HAS3: variants seen among roughly 807,000 people sequenced by gnomAD.
HAS3 encodes the protein HA synthase 3.
HAS3 carries 27 observed loss-of-function variants against 50.3 expected under a neutral mutation model. That is an observed-to-expected ratio of 0.54 (90% CI 0.40 to 0.74). HAS3 has a LOEUF of 0.74. HAS3 is among the 30% of genes least tolerant of loss of function. The probability of loss-of-function intolerance (pLI) is 0.00; values close to 1 mark genes in which losing one functional copy is unlikely to be tolerated. For synonymous variants in HAS3, 339 were observed against 310.9 expected (o/e 1.09, Z -0.95); for missense variants, 517 against 742.8 (o/e 0.70, Z 3.53).
At chr16:69,093,822 G>A in the HAS3 span, among the ~76,000 whole-genome samples, 127 of 152,178 alleles carry the variant, frequency 8.3e-4, no homozygotes, top group Middle Eastern at 3.4e-3. Flanking sequence ...AAGCCACTGC[G>A]CCCGGCCTAC....
the HAS3 span, among the ~76,000 whole-genome samples, chr16:69,086,280 C>T: frequency 6.6e-6 from 1 of 151,554 alleles, no homozygotes; most frequent in Non-Finnish European, 1.5e-5. Flanking sequence ...GCAATCCACC[C>T]ACCTTAGCAT....
intron 2 of HAS3, among the ~76,000 whole-genome samples, chr16:69,111,426 T>C (rs1015627876): frequency 2.6e-5 from 4 of 152,188 alleles, no homozygotes; most frequent in African/African-American, 7.2e-5. Flanking sequence ...CTCTGTTCTC[T>C]GACCTCCACG....
downstream of HAS3, chr16:69,118,306 G>A: frequency 8.5e-7 from 1 of 1,176,804 alleles, no homozygotes; most frequent in Non-Finnish European, 1.3e-6. Context: ...ACTGCATTCG[G>A]TGGGTCTTTC....
the HAS3 span, among the ~76,000 whole-genome samples, chr16:69,096,534 CAAAAAAAAAAAAAAAAA>C: frequency 1.1e-4 from 4 of 35,316 alleles, no homozygotes; most frequent in Non-Finnish European, 1.8e-4. Flanking sequence ...GACTCTGTCT[CAAAAAAAAAAAAAAAAA>C]AAAAAAAAAA....
intron 2 of HAS3, among the ~76,000 whole-genome samples, chr16:69,111,157 A>ATT (rs71148963): frequency 0.11 from 6,999 of 62,094 alleles, 1,751 homozygotes; most frequent in East Asian, 0.14. Flanking sequence ...CTAGGCCAGG[A>ATT]TTTTTTTTTT....
At position 69,107,493 on chromosome 16, in the gene HAS3, C is replaced by A; in HGVS notation, c.-1+1706C>A. On this transcript the variant is annotated intron_variant, in intron 1 of 3. Transcript: ENST00000569188. This position sits in a 1 kb window ranked among gnomAD's most constrained non-coding sequence, Gnocchi z 5.5. ...AAGCGGCACGTGGGTGTGGCCGGCGCCGCCTTTGCCAAGAGGCGAGGCTCG... is the reference window on the plus strand; with the variant it reads ...AAGCGGCACGTGGGTGTGGCCGGCGACGCCTTTGCCAAGAGGCGAGGCTCG... 3 of 985,368 alleles carry A rather than the reference C, an allele frequency of 3.0e-6. No homozygotes were observed. The highest frequency in any genetic ancestry group is 3.6e-6 in the Non-Finnish European group (3 of 829,810). 61.0% of individuals were successfully genotyped at this position (985,368 alleles called of 1,614,324 possible).
the HAS3 span, among the ~76,000 whole-genome samples, chr16:69,100,104 A>T: frequency 6.6e-6 from 1 of 152,158 alleles, no homozygotes; most frequent in Non-Finnish European, 1.5e-5. Context: ...AAATCGAACC[A>T]TTCTAACGGC....
At chr16:69,108,526 T>A (rs1049015240) in intron 1 of HAS3, among the ~76,000 whole-genome samples, 14 of 151,810 alleles carry the variant, frequency 9.2e-5, no homozygotes, top group Non-Finnish European at 1.6e-4. Context: ...TTTCCAGGAG[T>A]GGCTGGGCAG....
Position 69,117,630 on chromosome 16 carries a change from T to C in HAS3, c.*2364T>C. 1.5e-5 allele frequency: 14 copies of C among 919,358 alleles called. No individual in the cohort carries two copies. Among genetic ancestry groups the C allele is most frequent in the Non-Finnish European group, 1.8e-5 (14 of 769,792 alleles). 57.0% of individuals were successfully genotyped at this position (919,358 alleles called of 1,614,324 possible). A position where few individuals can be genotyped will look rare whatever the true frequency, so the allele number is the denominator to read the frequency against. On this transcript the variant is annotated 3_prime_UTR_variant, in exon 4 of 4. Coordinates refer to ENST00000569188, the MANE Select transcript of HAS3 (RefSeq NM_001199280.2). The stretch of plus-strand genomic sequence containing the variant: ...AAGTTTTTTATACTGCACTTATTTG[T>C]CAAAATAAAGATTCTCACATATGCC...
In HAS3 at chr16:69,117,559, ATATT is replaced by A. The variant is rs1961241959; in HGVS notation, c.*2299_*2302del. 1 of 898,902 alleles carries A rather than the reference ATATT, an allele frequency of 1.1e-6. No individual in the cohort carries two copies. Among genetic ancestry groups the A allele is most frequent in the Non-Finnish European group, 1.3e-6 (1 of 756,242 alleles). 55.7% of individuals were successfully genotyped at this position (898,902 alleles called of 1,614,324 possible). On this transcript the variant is annotated 3_prime_UTR_variant, in exon 4 of 4. Transcript: ENST00000569188. The stretch of plus-strand genomic sequence containing the variant: ...ATTGTTTCTACAATAATTTGTAAAC[ATATT>A]TATTTTTACCTGCTTTTTTTTTTTT...
intron 2 of HAS3, among the ~76,000 whole-genome samples, chr16:69,111,305 C>A (rs1226547021): frequency 1.3e-5 from 2 of 151,900 alleles, no homozygotes; most frequent in Non-Finnish European, 2.9e-5. Context: ...CTCCTGACCT[C>A]AGCTGACCCA....
the HAS3 span, chr16:69,084,826 T>C: frequency 6.6e-6 from 1 of 152,274 alleles, no homozygotes; most frequent in East Asian, 1.9e-4. Context: ...TTCCAAAAGC[T>C]CGAGTGACTG....
At chr16:69,084,746 T>A in the HAS3 span, 1 of 152,342 alleles carries the variant, frequency 6.6e-6, no homozygotes, top group African/African-American at 2.4e-5. Flanking sequence ...CAGGGCTAGG[T>A]ACAGAATTTT....
Position 69,109,437 on chromosome 16 carries a change from CA to C in HAS3, c.43del (p.Ser15AlafsTer16). The C allele has an allele frequency of 6.2e-7, 1 of 1,612,436 alleles. No individual in the cohort carries two copies. Among genetic ancestry groups the C allele is most frequent in the Non-Finnish European group, 8.5e-7 (1 of 1,179,776 alleles). On this transcript the variant is annotated frameshift_variant, in exon 2 of 4. Coordinates refer to ENST00000569188, the MANE Select transcript of HAS3 (RefSeq NM_001199280.2). LOFTEE classifies it high-confidence loss of function. The surrounding 1 kb of genome is among the most constrained non-coding windows in gnomAD (Gnocchi z 5.3). Reference sequence around the variant, plus strand: ...CGACAGCCCTGCGTGTGGTGGGCACCAGCCTGTTTGCCCTGGCAGTGCTGGG... The same window carrying C: ...CGACAGCCCTGCGTGTGGTGGGCACCGCCTGTTTGCCCTGGCAGTGCTGGG... ...LTTALRVVGT[S>X]LFALAVLGGI...
chr16:69,102,107 T>C (rs1960703572), upstream of HAS3, among the ~76,000 whole-genome samples: 1 of 152,140 alleles, frequency 6.6e-6, no homozygotes, highest in South Asian at 2.1e-4. Context: ...TCAAGCACAT[T>C]TGTCTTCAAA....
chr16:69,112,032 C>G (rs1447508927), intron 2 of HAS3, among the ~76,000 whole-genome samples: 4 of 152,260 alleles, frequency 2.6e-5, no homozygotes, highest in Admixed American at 1.3e-4. Context: ...TTCTAACCGC[C>G]TGCTGCGGAG....
In HAS3 at chr16:69,115,354, G is replaced by A. The variant is rs149475998; in HGVS notation, c.*88G>A. On this transcript the variant is annotated 3_prime_UTR_variant, in exon 4 of 4. Transcript: ENST00000569188. ...AAAAGACAGGGTGGGAGGGAGGAGGGAGTGCTGTGTTTTAGTCTCTTAATG... is the reference window on the plus strand; with the variant it reads ...AAAAGACAGGGTGGGAGGGAGGAGGAAGTGCTGTGTTTTAGTCTCTTAATG... 2.5e-5 allele frequency: 37 copies of A among 1,456,318 alleles called. No individual in the cohort carries two copies. Among genetic ancestry groups the A allele is most frequent in the South Asian group, 3.0e-5 (2 of 66,990 alleles). The allele number at this position is 1,456,318 out of a possible 1,614,324, so 90.2% of individuals were successfully genotyped here. A position where few individuals can be genotyped will look rare whatever the true frequency, so the allele number is the denominator to read the frequency against.
At chr16:69,113,151 T>C (rs1961064656) in intron 2 of HAS3, among the ~76,000 whole-genome samples, 1 of 152,154 alleles carries the variant, frequency 6.6e-6, no homozygotes, top group Non-Finnish European at 1.5e-5. Context: ...CCCAGAGCAA[T>C]TTTTTGCGTC....
At chr16:69,089,221 G>A in the HAS3 span, among the ~76,000 whole-genome samples, 47 of 152,154 alleles carry the variant, frequency 3.1e-4, no homozygotes, top group Non-Finnish European at 2.8e-4. Context: ...ACTGTTTGCC[G>A]CATTGGAGGG....
Sources: allele counts gnomAD v4.1 joint callset (sites outside exome capture counted in the v4.1 genomes callset), GRCh38; gene constraint gnomAD v4.1.1; non-coding constraint Gnocchi (gnomAD v3.1); transcripts MANE v1.5; gene names NCBI Gene and HGNC (gene_info 2026-07-23, HGNC 2026-07-21).